The following DPP10 variants were observed in gnomAD, a reference collection of about 807,000 sequenced individuals.
The protein encoded by DPP10 is inactive dipeptidyl peptidase 10.
DPP10 carries 33 observed loss-of-function variants against 120.9 expected under a neutral mutation model. The ratio of observed to expected loss-of-function variants is 0.27; its 90% CI spans 0.21 to 0.37. The LOEUF (loss-of-function observed/expected upper bound fraction) is 0.37, where lower values mean the gene tolerates loss of function less well. Among genes scored for constraint, DPP10 ranks in the 10% least tolerant of loss-of-function variants. The pLI is 1.00. For missense variants in DPP10, 816 were observed against 942.8 expected (o/e 0.87, Z 1.76); for synonymous variants, 337 against 326.1 (o/e 1.03, Z -0.36).
intron 1 of DPP10, among the ~76,000 whole-genome samples, chr2:114,486,514 A>T (rs1010516262): frequency 1.3e-5 from 2 of 152,150 alleles, no homozygotes; most frequent in Admixed American, 6.6e-5. Flanking sequence ...AAGGCAATTT[A>T]ATGGTGATCC....
At chr2:115,312,585 G>T (rs75775940) in intron 2 of DPP10, among the ~76,000 whole-genome samples, 2 of 152,040 alleles carry the variant, frequency 1.3e-5, no homozygotes, top group African/African-American at 2.4e-5. Flanking sequence ...TTGATTTTGC[G>T]TGTGTCTGGC....
intron 21 of DPP10, among the ~76,000 whole-genome samples, chr2:115,830,112 T>G (rs1190345482): frequency 6.6e-6 from 1 of 152,066 alleles, no homozygotes; most frequent in Non-Finnish European, 1.5e-5. Flanking sequence ...TCCCAGCACT[T>G]TGGGAGGCCA....
At chr2:115,008,193 G>A (rs1288975859) in intron 1 of DPP10, among the ~76,000 whole-genome samples, 6 of 129,276 alleles carry the variant, frequency 4.6e-5, no homozygotes, top group African/African-American at 1.7e-4. Context: ...CAAGGCTACA[G>A]TAACCAAAAC....
At chr2:115,032,413 T>C (rs979093704) in intron 1 of DPP10, among the ~76,000 whole-genome samples, 6 of 152,186 alleles carry the variant, frequency 3.9e-5, no homozygotes, top group Admixed American at 2.0e-4. Context: ...GATTTAAAAG[T>C]CTTTGAAAAT....
intron 1 of DPP10, among the ~76,000 whole-genome samples, chr2:114,758,982 G>T (rs1206873351): frequency 6.6e-6 from 1 of 152,116 alleles, no homozygotes; most frequent in African/African-American, 2.4e-5. Flanking sequence ...GCAAAAAGTG[G>T]ATTATTTTCA....
chr2:114,485,615 C>T (rs558848162), intron 1 of DPP10, among the ~76,000 whole-genome samples: 3 of 151,826 alleles, frequency 2.0e-5, no homozygotes, highest in Non-Finnish European at 4.4e-5. Context: ...GGAACTCAGT[C>T]CAAAGCAATA....
intron 1 of DPP10, among the ~76,000 whole-genome samples, chr2:114,646,394 T>G (rs923887994): frequency 2.0e-5 from 3 of 152,058 alleles, no homozygotes; most frequent in Non-Finnish European, 1.5e-5. Context: ...GGTGGGAATA[T>G]ATAAACGACA....
chr2:115,725,338 T>C (rs776659511), intron 7 of DPP10, among the ~76,000 whole-genome samples: 11 of 152,152 alleles, frequency 7.2e-5, no homozygotes, highest in Non-Finnish European at 1.6e-4. Flanking sequence ...AGGATAAACT[T>C]TGATAATTGA....
At chr2:115,641,179 C>T (rs1210615988) in intron 5 of DPP10, among the ~76,000 whole-genome samples, 1 of 152,166 alleles carries the variant, frequency 6.6e-6, no homozygotes, top group Non-Finnish European at 1.5e-5. Context: ...TACCAGTTTA[C>T]TACCACAGTC....
chr2:115,258,399 C>G (rs1338510171), intron 1 of DPP10, among the ~76,000 whole-genome samples: 1 of 150,648 alleles, frequency 6.6e-6, no homozygotes, highest in Non-Finnish European at 1.5e-5. Context: ...GTTTAAATAG[C>G]TGATTGAAAC....
intron 11 of DPP10, among the ~76,000 whole-genome samples, chr2:115,761,091 T>C (rs920377851): frequency 1.8e-4 from 21 of 117,136 alleles, no homozygotes; most frequent in Admixed American, 2.9e-4. Context: ...AGCAAGACTT[T>C]GTCTCAAAAA....
chr2:114,513,780 A>G (rs985395845), intron 1 of DPP10, among the ~76,000 whole-genome samples: 17 of 152,176 alleles, frequency 1.1e-4, no homozygotes, highest in African/African-American at 4.1e-4. Flanking sequence ...AGGTAAACGT[A>G]TTTTTATATT....
intron 1 of DPP10, among the ~76,000 whole-genome samples, chr2:115,001,779 C>T (rs985532246): frequency 5.9e-5 from 9 of 152,142 alleles, no homozygotes; most frequent in African/African-American, 2.2e-4. Context: ...ATCCTATTCA[C>T]AATCACCACC....
At chr2:115,784,210 C>T (rs1575766794) in intron 17 of DPP10, among the ~76,000 whole-genome samples, 1 of 152,132 alleles carries the variant, frequency 6.6e-6, no homozygotes, top group East Asian at 1.9e-4. Flanking sequence ...AAGATAATTA[C>T]TTAGGGAGAT....
chr2:115,546,968 C>T (rs137875714), intron 5 of DPP10, among the ~76,000 whole-genome samples: 6 of 152,220 alleles, frequency 3.9e-5, no homozygotes, highest in African/African-American at 1.4e-4. Context: ...AATTAACATC[C>T]GCTGAGCCTG....
intron 1 of DPP10, among the ~76,000 whole-genome samples, chr2:115,181,811 CTG>C (rs2054099164): frequency 6.6e-6 from 1 of 152,202 alleles, no homozygotes; most frequent in Admixed American, 6.5e-5. Context: ...AACAACAGAA[CTG>C]TATCTGGATA....
chr2:115,602,660 GA>G (rs1211380159), intron 5 of DPP10, among the ~76,000 whole-genome samples: 4 of 151,956 alleles, frequency 2.6e-5, no homozygotes, highest in Admixed American at 2.6e-4. Flanking sequence ...TCTATGTGAG[GA>G]AAAAAATACA....
At chr2:114,945,812 G>A (rs1024710399) in intron 1 of DPP10, among the ~76,000 whole-genome samples, 1 of 152,042 alleles carries the variant, frequency 6.6e-6, no homozygotes, top group African/African-American at 2.4e-5. Flanking sequence ...GGGAAACTCT[G>A]TCTCAAAAAG....
chr2:115,208,407 C>T (rs1031934015), intron 1 of DPP10, among the ~76,000 whole-genome samples: 1 of 151,940 alleles, frequency 6.6e-6, no homozygotes, highest in Non-Finnish European at 1.5e-5. Context: ...TTAACTTTAT[C>T]ATTGAGCCTT....
Sources: allele counts gnomAD v4.1 joint callset (sites outside exome capture counted in the v4.1 genomes callset), GRCh38; gene constraint gnomAD v4.1.1; transcripts MANE v1.5; gene names NCBI Gene and HGNC (gene_info 2026-07-23, HGNC 2026-07-21).